The following BRAF variants were observed in gnomAD, a reference collection of about 807,000 sequenced individuals.
BRAF encodes B-Raf proto-oncogene, serine/threonine kinase.
Under a neutral mutation model 104.6 loss-of-function variants are expected in BRAF, and 16 were observed. The observed-to-expected ratio is 0.15, with a 90% CI of 0.10 to 0.23. The LOEUF (loss-of-function observed/expected upper bound fraction) is 0.23. Among genes scored for constraint, BRAF ranks in the 10% least tolerant of loss-of-function variants. The pLI, the probability that BRAF is intolerant of heterozygous loss-of-function variation, is 1.00. For missense variants in BRAF, 541 were observed against 937.3 expected (o/e 0.58, Z 5.52); for synonymous variants, 310 against 341.6 (o/e 0.91, Z 1.02).
chr7:140,845,724 G>GT (rs1316029425), intron 2 of BRAF, among the ~76,000 whole-genome samples: 2 of 152,150 alleles, frequency 1.3e-5, no homozygotes, highest in African/African-American at 2.4e-5. Context: ...TGTCCCCCAG[G>GT]TTGGAGTGCA....
intron 6 of BRAF, 131 bp from the exon 7 acceptor site, chr7:140,800,612 G>T: frequency 1.4e-6 from 2 of 1,445,476 alleles, no homozygotes; most frequent in Non-Finnish European, 1.9e-6. Flanking sequence ...TCAATTAGTT[G>T]TATTTTTGTC....
At chr7:140,765,206 C>A (rs1799185469) in intron 14 of BRAF, among the ~76,000 whole-genome samples, 1 of 152,188 alleles carries the variant, frequency 6.6e-6, no homozygotes, top group African/African-American at 2.4e-5. Flanking sequence ...GGAAAGGATT[C>A]CCTACTTAAT....
At chr7:140,874,918 T>C (rs992088067) in intron 1 of BRAF, among the ~76,000 whole-genome samples, 6 of 152,160 alleles carry the variant, frequency 3.9e-5, no homozygotes, top group Non-Finnish European at 8.8e-5. Flanking sequence ...TTTAAAAGTA[T>C]GTGGCACCCT....
intron 3 of BRAF, among the ~76,000 whole-genome samples, chr7:140,816,736 C>G (rs1768587747): frequency 2.0e-5 from 3 of 151,984 alleles, no homozygotes; most frequent in Non-Finnish European, 4.4e-5. Flanking sequence ...CTGAGTAAAC[C>G]AAAATAGATA....
intron 14 of BRAF, among the ~76,000 whole-genome samples, chr7:140,763,243 C>G (rs928235062): frequency 1.3e-5 from 2 of 151,556 alleles, no homozygotes; most frequent in Non-Finnish European, 3.0e-5. Context: ...GGGGCTGACC[C>G]CCCAACCTCC....
In BRAF at chr7:140,721,986, G is replaced by T; in HGVS notation, c.*4508C>A. ...CTGGAAACTGATAAAACCAAATTCG[G>T]TCCTATATTTCAATTTCCCCTTCTA... is the stretch of plus-strand genomic sequence containing the variant. On this transcript the variant is annotated 3_prime_UTR_variant, in exon 20 of 20. Transcript: ENST00000644969. The T allele has an allele frequency of 8.4e-7, 1 of 1,192,732 alleles. No homozygotes were observed. The highest frequency in any genetic ancestry group is 1.0e-6 in the Non-Finnish European group (1 of 963,396). 73.9% of individuals were successfully genotyped at this position (1,192,732 alleles called of 1,614,324 possible).
chr7:140,904,856 C>T (rs554038558), intron 1 of BRAF, among the ~76,000 whole-genome samples: 1 of 152,306 alleles, frequency 6.6e-6, no homozygotes, highest in Non-Finnish European at 1.5e-5. Flanking sequence ...ATCCGCCTGC[C>T]TCGGCCTCCC....
At position 140,924,599 on chromosome 7, in the gene BRAF, G is replaced by C. The variant is rs1320140960; in HGVS notation, c.105C>G (p.Ala35=). 7 of 1,529,674 alleles carry C rather than the reference G, an allele frequency of 4.6e-6. No individual in the cohort carries two copies. The highest frequency in any genetic ancestry group is 6.1e-6 in the Non-Finnish European group (7 of 1,144,538). The allele number at this position is 1,529,674 out of a possible 1,614,324, so 94.8% of individuals were successfully genotyped here. A position where few individuals can be genotyped will look rare whatever the true frequency, so the allele number is the denominator to read the frequency against. The change falls in exon 1 of 20, where the codon GCC becomes GCG. Residue 35 remains alanine, a synonymous_variant. Transcript: ENST00000644969. This position sits in a 1 kb window ranked among gnomAD's most constrained non-coding sequence, Gnocchi z 4.2. The stretch of plus-strand genomic sequence containing the variant: ...GAATGGCAGGGTCCGCAGCCGAAGA[G>C]GCCGCGGCGCCGGCGCCGGCGCCGG... ...PEAGAGAGAA[A]SSAADPAIPE... is the part of the protein sequence containing the mutation.
At chr7:140,881,447 G>A (rs1252041946) in intron 1 of BRAF, among the ~76,000 whole-genome samples, 2 of 152,174 alleles carry the variant, frequency 1.3e-5, no homozygotes, top group Non-Finnish European at 1.5e-5. Context: ...TGGAGACGAC[G>A]TCTCACTATG....
intron 1 of BRAF, among the ~76,000 whole-genome samples, chr7:140,885,289 C>T (rs1813435348): frequency 6.6e-6 from 1 of 152,052 alleles, no homozygotes; most frequent in African/African-American, 2.4e-5. Flanking sequence ...AGGTGTGAGC[C>T]ACCGCACCTG....
At chr7:140,823,952 A>G (rs899667984) in intron 3 of BRAF, 3 of 152,146 alleles carry the variant, frequency 2.0e-5, no homozygotes, top group Non-Finnish European at 4.4e-5. Flanking sequence ...GGCCATCTGG[A>G]TATCTTCATT....
chr7:140,898,281 C>T (rs539635516), intron 1 of BRAF, among the ~76,000 whole-genome samples: 1 of 151,464 alleles, frequency 6.6e-6, no homozygotes, highest in East Asian at 1.9e-4. Context: ...CTATCCATAG[C>T]CTAGGCCTCA....
intron 8 of BRAF, among the ~76,000 whole-genome samples, chr7:140,788,300 C>T (rs1301877106): frequency 6.6e-6 from 1 of 152,090 alleles, no homozygotes; most frequent in African/African-American, 2.4e-5. Flanking sequence ...AAGTGATATG[C>T]ACAAAGATGT....
At chr7:140,857,441 C>T (rs77595393) in intron 1 of BRAF, among the ~76,000 whole-genome samples, 1 of 152,266 alleles carries the variant, frequency 6.6e-6, no homozygotes, top group African/African-American at 2.4e-5. Context: ...GAGTACACCA[C>T]ATTTGTGGTG....
At chr7:140,716,579 C>CA (rs1465442693), downstream of BRAF, among the ~76,000 whole-genome samples, 5 of 151,810 alleles carry the variant, frequency 3.3e-5, no homozygotes, top group Non-Finnish European at 5.9e-5. Context: ...TATGCCAAAG[C>CA]AAAAAAACAC....
rs1226097255 is a variant in BRAF, at chr7:140,724,347, C to G, written c.*2147G>C. 9.5e-6 allele frequency: 10 copies of G among 1,054,524 alleles called. No individual in the cohort carries two copies. In the South Asian group the frequency reaches 3.2e-4, roughly 34 times the overall value. 65.3% of individuals were successfully genotyped at this position (1,054,524 alleles called of 1,614,324 possible). A position where few individuals can be genotyped will look rare whatever the true frequency, so the allele number is the denominator to read the frequency against. On this transcript the variant is annotated 3_prime_UTR_variant, in exon 20 of 20. Coordinates refer to ENST00000644969, the MANE Select transcript of BRAF (RefSeq NM_001374258.1). ...GCCAATCTTGGTAAAGGGAACACAG[C>G]CACATTTAAAAGCATCTAGAGATAT...
chr7:140,794,912 C>T (rs1802353332), intron 7 of BRAF, among the ~76,000 whole-genome samples: 1 of 152,140 alleles, frequency 6.6e-6, no homozygotes, highest in African/African-American at 2.4e-5. Context: ...AATACAAATG[C>T]ATATTTCAGG....
At chr7:140,770,321 A>G (rs1799715351) in intron 14 of BRAF, among the ~76,000 whole-genome samples, 1 of 152,168 alleles carries the variant, frequency 6.6e-6, no homozygotes, top group South Asian at 2.1e-4. Context: ...TGAGTAAAAG[A>G]GGCATGCTCA....
At chr7:140,887,288 GA>G (rs1204307947) in intron 1 of BRAF, among the ~76,000 whole-genome samples, 2 of 152,202 alleles carry the variant, frequency 1.3e-5, no homozygotes, top group Non-Finnish European at 2.9e-5. Context: ...CTAGTTAACT[GA>G]AAAGGTCAGT....
Sources: allele counts gnomAD v4.1 joint callset (sites outside exome capture counted in the v4.1 genomes callset), GRCh38; gene constraint gnomAD v4.1.1; non-coding constraint Gnocchi (gnomAD v3.1); transcripts MANE v1.5; gene names NCBI Gene and HGNC (gene_info 2026-07-23, HGNC 2026-07-21).